Variants in SYT16 observed in about 807,000 individuals in gnomAD.
SYT16 encodes synaptotagmin 16, also known as synaptotagmin-16.
Under a neutral mutation model 61.4 loss-of-function variants are expected in SYT16, and 42 were observed. That is an observed-to-expected ratio of 0.68 (90% CI 0.53 to 0.89). The LOEUF (loss-of-function observed/expected upper bound fraction) is 0.89. Ranked by LOEUF, SYT16 falls within the 40% of genes least tolerant of loss-of-function variation. The pLI is 0.00. For missense variants in SYT16, 804 were observed against 807.3 expected (o/e 1.00, Z 0.05); for synonymous variants, 314 against 302.3 (o/e 1.04, Z -0.40).
At chr14:61,919,471 G>A (rs1566680206) in intron 1 of SYT16, among the ~76,000 whole-genome samples, 1 of 152,196 alleles carries the variant, frequency 6.6e-6, no homozygotes, top group African/African-American at 2.4e-5. Context: ...CTTATTTCTG[G>A]AGGCTCTAGG....
intron 3 of SYT16, among the ~76,000 whole-genome samples, chr14:62,039,557 C>T (rs1181044253): frequency 6.6e-6 from 1 of 151,846 alleles, no homozygotes. Flanking sequence ...AATAGCTAGT[C>T]AAGATAGAAG....
At chr14:61,942,846 A>G (rs1210790066) in intron 1 of SYT16, among the ~76,000 whole-genome samples, 1 of 152,178 alleles carries the variant, frequency 6.6e-6, no homozygotes, top group Non-Finnish European at 1.5e-5. Flanking sequence ...TCAAATATAA[A>G]TCAGTTGAAA....
chr14:61,935,412 T>C (rs1422264110), intron 1 of SYT16, among the ~76,000 whole-genome samples: 2 of 152,244 alleles, frequency 1.3e-5, no homozygotes, highest in Non-Finnish European at 2.9e-5. Context: ...TTGCATTTTT[T>C]AGCCAGAGTC....
At chr14:61,896,367 C>T (rs1461547230) in intron 1 of SYT16, among the ~76,000 whole-genome samples, 2 of 152,200 alleles carry the variant, frequency 1.3e-5, no homozygotes, top group Non-Finnish European at 2.9e-5. Context: ...ACATAATTGC[C>T]TACTTCATTT....
At chr14:62,067,569 A>G (rs1221871246) in intron 3 of SYT16, among the ~76,000 whole-genome samples, 1 of 152,228 alleles carries the variant, frequency 6.6e-6, no homozygotes, top group Non-Finnish European at 1.5e-5. Flanking sequence ...AGGGTGTTTC[A>G]TTAGGAAGGC....
chr14:62,067,106 G>A (rs572598804), intron 3 of SYT16, among the ~76,000 whole-genome samples: 11 of 135,980 alleles, frequency 8.1e-5, no homozygotes, highest in African/African-American at 2.5e-4. Context: ...GTGTGTGCAT[G>A]TGTGTGTGTG....
At chr14:61,929,369 G>C (rs573444513) in intron 1 of SYT16, among the ~76,000 whole-genome samples, 2 of 152,224 alleles carry the variant, frequency 1.3e-5, no homozygotes, top group South Asian at 4.1e-4. Context: ...CAGGAACAGA[G>C]AAAAGTGTTT....
intron 1 of SYT16, among the ~76,000 whole-genome samples, chr14:61,816,469 A>G (rs1205482113): frequency 6.6e-6 from 1 of 152,240 alleles, no homozygotes; most frequent in African/African-American, 2.4e-5. Flanking sequence ...TTCTAACCCT[A>G]GTCATTATTA....
At chr14:61,979,474 T>C (rs2051963367) in intron 2 of SYT16, among the ~76,000 whole-genome samples, 1 of 152,202 alleles carries the variant, frequency 6.6e-6, no homozygotes, top group African/African-American at 2.4e-5. Context: ...CCTGCAGGTC[T>C]GTGCAGTGGC....
intron 3 of SYT16, among the ~76,000 whole-genome samples, chr14:61,999,825 G>A (rs908664541): frequency 6.6e-6 from 1 of 151,628 alleles, no homozygotes; most frequent in Non-Finnish European, 1.5e-5. Flanking sequence ...TTATTTAAAA[G>A]TGTGTTGATT....
chr14:61,974,360 A>G (rs559432064), intron 2 of SYT16, among the ~76,000 whole-genome samples: 22 of 152,278 alleles, frequency 1.4e-4, no homozygotes, highest in African/African-American at 5.1e-4. Flanking sequence ...CACAAAGCCT[A>G]CACTTAGAAG....
At position 62,107,823 on chromosome 14, in the gene SYT16, T is replaced by C. The variant is rs1232299110; in HGVS notation, c.*7116T>C. On this transcript the variant is annotated 3_prime_UTR_variant, in exon 8 of 8. Coordinates refer to ENST00000683842, the MANE Select transcript of SYT16 (RefSeq NM_001367656.1). ...CATTCCATTCCAGCAGTGAAAAGAA[T>C]TATAGCATCAAATAGGATATTTAGT... 6.6e-6 allele frequency: 1 copy of C among 152,218 alleles called. No individual in the cohort carries two copies. Among genetic ancestry groups the C allele is most frequent in the East Asian group, 1.9e-4 (1 of 5,200 alleles). 9.4% of individuals were successfully genotyped at this position (152,218 alleles called of 1,614,324 possible).
chr14:61,886,880 CTTTTTTTTTTTTTTTGTCTTT>C (rs796143837), intron 1 of SYT16, among the ~76,000 whole-genome samples: 20 of 110,852 alleles, frequency 1.8e-4, no homozygotes, highest in African/African-American at 6.0e-4. Flanking sequence ...TTTTTTTTGT[CTTTTTTTTTTTTTTTGTCTTT>C]TTTTTTTTTT....
intron 1 of SYT16, among the ~76,000 whole-genome samples, chr14:61,956,778 C>T (rs2050893332): frequency 6.6e-6 from 1 of 151,580 alleles, no homozygotes; most frequent in Non-Finnish European, 1.5e-5. Context: ...ATTGCTTTGG[C>T]TATTAAGAGT....
At chr14:62,026,782 C>T (rs2054119233) in intron 3 of SYT16, among the ~76,000 whole-genome samples, 1 of 152,174 alleles carries the variant, frequency 6.6e-6, no homozygotes, top group East Asian at 1.9e-4. Flanking sequence ...ATAACAGCTT[C>T]TCCTTCTAGT....
intron 1 of SYT16, among the ~76,000 whole-genome samples, chr14:61,859,105 C>T (rs1319441832): frequency 7.9e-5 from 12 of 151,900 alleles, no homozygotes; most frequent in South Asian, 2.1e-4. Context: ...ATGATTCGCC[C>T]GCCTCGGCCT....
chr14:62,006,403 G>A (rs184475331), intron 3 of SYT16, among the ~76,000 whole-genome samples: 2 of 152,168 alleles, frequency 1.3e-5, no homozygotes, highest in Non-Finnish European at 1.5e-5. Flanking sequence ...TGTCAAGCTC[G>A]CTTTTCCCAT....
chr14:62,049,952 G>A (rs1566797527), intron 3 of SYT16, among the ~76,000 whole-genome samples: 1 of 152,108 alleles, frequency 6.6e-6, no homozygotes, highest in African/African-American at 2.4e-5. Context: ...TATGTGTCTT[G>A]GAGTTGCTCT....
At chr14:61,865,950 G>A (rs1290074665) in intron 1 of SYT16, among the ~76,000 whole-genome samples, 1 of 152,118 alleles carries the variant, frequency 6.6e-6, no homozygotes, top group African/African-American at 2.4e-5. Context: ...ATATACTTAG[G>A]ATCAGTTTAC....
Sources: allele counts gnomAD v4.1 joint callset (sites outside exome capture counted in the v4.1 genomes callset), GRCh38; gene constraint gnomAD v4.1.1; transcripts MANE v1.5; gene names NCBI Gene and HGNC (gene_info 2026-07-23, HGNC 2026-07-21).